ANO6: variants seen among roughly 807,000 people sequenced by gnomAD.
ANO6 encodes anoctamin 6.
A neutral mutation model predicts 117.5 loss-of-function variants in ANO6; 106 were observed. The ratio of observed to expected loss-of-function variants is 0.90; its 90% confidence interval spans 0.77 to 1.06. The LOEUF is 1.06. Ranked by LOEUF, ANO6 falls within the 50% of genes least tolerant of loss-of-function variation. ANO6 has a pLI of 0.00. For synonymous variants in ANO6, 367 were observed against 385.1 expected (o/e 0.95, Z 0.55); for missense variants, 955 against 1,121.1 (o/e 0.85, Z 2.12).
intron 2 of ANO6, among the ~76,000 whole-genome samples, chr12:45,321,090 G>T (rs1422080539): frequency 6.6e-6 from 1 of 152,032 alleles, no homozygotes; most frequent in Non-Finnish European, 1.5e-5. Context: ...AGTCTGGAAA[G>T]ACAGCTGGAT....
intron 1 of ANO6, among the ~76,000 whole-genome samples, chr12:45,227,395 C>A (rs994225767): frequency 6.6e-6 from 1 of 152,136 alleles, no homozygotes; most frequent in South Asian, 2.1e-4. Flanking sequence ...GAAAGTCTTA[C>A]GGTCAGATGA....
chr12:45,269,300 A>T (rs780257280), intron 1 of ANO6, among the ~76,000 whole-genome samples: 36 of 152,190 alleles, frequency 2.4e-4, no homozygotes, highest in Non-Finnish European at 4.6e-4. Context: ...ATTTCTAACC[A>T]CATGGGGGCA....
At chr12:45,367,912 A>T in intron 9 of ANO6, 119 bp downstream of exon 9, 1 of 748,702 alleles carries the variant, frequency 1.3e-6, no homozygotes, top group Non-Finnish European at 2.3e-6. Flanking sequence ...TTTTTCAACT[A>T]ACCTTTCAAA....
chr12:45,267,884 T>C (rs1372555208), intron 1 of ANO6, among the ~76,000 whole-genome samples: 1 of 152,138 alleles, frequency 6.6e-6, no homozygotes, highest in African/African-American at 2.4e-5. Context: ...TTAGTGCCTA[T>C]TATTAAAAGG....
intron 8 of ANO6, among the ~76,000 whole-genome samples, chr12:45,361,896 C>G (rs1175840095): frequency 6.6e-6 from 1 of 151,996 alleles, no homozygotes; most frequent in African/African-American, 2.4e-5. Context: ...ATTTGGTTTT[C>G]TAGTATTTTA....
intron 10 of ANO6, 41 bp from the exon 11 acceptor site, chr12:45,388,117 GTCA>G: frequency 6.2e-7 from 1 of 1,611,368 alleles, no homozygotes; most frequent in Non-Finnish European, 8.5e-7. Flanking sequence ...TGAAACATCA[GTCA>G]TCATTGAAAA....
intron 12 of ANO6, among the ~76,000 whole-genome samples, chr12:45,398,964 T>C (rs1006529894): frequency 1.3e-5 from 2 of 152,178 alleles, no homozygotes; most frequent in Non-Finnish European, 1.5e-5. Flanking sequence ...GGATTTATTC[T>C]TTCCACCTAT....
intron 1 of ANO6, among the ~76,000 whole-genome samples, chr12:45,300,231 G>A (rs538539169): frequency 2.0e-5 from 3 of 152,254 alleles, no homozygotes; most frequent in African/African-American, 7.2e-5. Context: ...ACCCAGGCTA[G>A]AGTGCAGCTG....
At chr12:45,317,619 T>C (rs1230197852) in intron 2 of ANO6, among the ~76,000 whole-genome samples, 2 of 152,152 alleles carry the variant, frequency 1.3e-5, no homozygotes, top group African/African-American at 4.8e-5. Flanking sequence ...TGATTTATAT[T>C]CCTTTGGGTA....
At chr12:45,309,942 G>GA (rs1939796417) in intron 2 of ANO6, among the ~76,000 whole-genome samples, 1 of 152,140 alleles carries the variant, frequency 6.6e-6, no homozygotes, top group African/African-American at 2.4e-5. Flanking sequence ...AGGGGGAAAT[G>GA]AGATCAGAGA....
chr12:45,355,578 C>T (rs879655036), intron 7 of ANO6, among the ~76,000 whole-genome samples: 7 of 152,288 alleles, frequency 4.6e-5, no homozygotes, highest in Non-Finnish European at 8.8e-5. Flanking sequence ...GCGTCTCAAA[C>T]CCATGGCCAG....
intron 7 of ANO6, among the ~76,000 whole-genome samples, 184 bp downstream of exon 7, chr12:45,350,958 C>T (rs928497980): frequency 2.0e-5 from 3 of 152,140 alleles, no homozygotes; most frequent in Admixed American, 2.0e-4. Context: ...GAATCATTAC[C>T]CATCTCCAGT....
Position 45,396,696 on chromosome 12 carries a change from T to G in ANO6, c.1387-5099T>G, listed in dbSNP as rs573544304. The stretch of plus-strand genomic sequence containing the variant: ...AATAACACCACACATCTACAACCAT[T>G]TGATCTTTGACAGACCTGACAAAAA... On this transcript the variant is annotated intron_variant, in intron 12 of 19. Transcript: ENST00000320560. Among the ~76,000 whole-genome samples, 22 of 152,200 alleles carry G rather than the reference T, an allele frequency of 1.4e-4. 1 individual carries two copies. The East Asian group carries it at 4.2e-3, about 29-fold the overall frequency.
intron 2 of ANO6, among the ~76,000 whole-genome samples, chr12:45,314,123 G>A (rs1261405231): frequency 6.6e-6 from 1 of 152,004 alleles, no homozygotes; most frequent in Non-Finnish European, 1.5e-5. Flanking sequence ...TAGGCACTTA[G>A]GAAGTGCTAG....
intron 1 of ANO6, among the ~76,000 whole-genome samples, chr12:45,230,187 C>G (rs1454512668): frequency 2.9e-4 from 44 of 152,044 alleles, no homozygotes; most frequent in Admixed American, 2.9e-3. Flanking sequence ...GGAAAACTTT[C>G]ACTTCAGTGA....
At chr12:45,222,404 G>A (rs1452457734) in intron 1 of ANO6, among the ~76,000 whole-genome samples, 2 of 152,034 alleles carry the variant, frequency 1.3e-5, no homozygotes, top group Non-Finnish European at 2.9e-5. Context: ...CAGGTGATCC[G>A]CCTGCCTCGG....
intron 9 of ANO6, among the ~76,000 whole-genome samples, chr12:45,374,949 A>G (rs1941961598): frequency 6.6e-6 from 1 of 151,802 alleles, no homozygotes; most frequent in Non-Finnish European, 1.5e-5. Context: ...GTATATCTAG[A>G]AAACCCCATT....
intron 1 of ANO6, among the ~76,000 whole-genome samples, chr12:45,223,739 A>G (rs1184594573): frequency 2.6e-5 from 4 of 152,188 alleles, no homozygotes; most frequent in African/African-American, 9.7e-5. Context: ...AATATTGTAC[A>G]TATTCCATTG....
chr12:45,407,495 C>A (rs114653161), intron 15 of ANO6, among the ~76,000 whole-genome samples: 1,983 of 70,814 alleles, frequency 0.028, 493 homozygotes, highest in African/African-American at 0.099. Flanking sequence ...CCCCCCCCCC[C>A]CCCCGGAATG....
Sources: gnomAD v4.1 joint callset for allele counts (sites outside exome capture counted in the v4.1 genomes callset) on GRCh38, gnomAD v4.1.1 for gene constraint, MANE v1.5 for transcripts, NCBI Gene and HGNC (gene_info 2026-07-23, HGNC 2026-07-21) for gene names.